The following NAGPA variants were observed in gnomAD, a reference collection of about 807,000 sequenced individuals.
NAGPA encodes alpha-N-acetylglucosaminyl phosphodiesterase.
A neutral mutation model predicts 48.5 loss-of-function variants in NAGPA; 56 were observed. That is an observed-to-expected ratio of 1.15 (90% CI 0.93 to 1.44). NAGPA has a LOEUF of 1.44. Among genes scored for constraint, NAGPA ranks in the 40% most tolerant of loss-of-function variants. The pLI is 0.00. For synonymous variants in NAGPA, 399 were observed against 315.5 expected, an observed-to-expected ratio of 1.26 and a Z score of -2.81; for missense variants, 888 against 735.0, an observed-to-expected ratio of 1.21 and a Z score of -2.41.
In NAGPA at chr16:5,031,728, C is replaced by T. The variant is rs2142566287; in HGVS notation, c.682+17G>A. The T allele has an allele frequency of 1.2e-6, 2 of 1,614,048 alleles. No individual in the cohort carries two copies. Among genetic ancestry groups the T allele is most frequent in the Non-Finnish European group, 1.7e-6 (2 of 1,179,950 alleles). On this transcript the variant is annotated intron_variant, in intron 3 of 9. Coordinates refer to ENST00000312251, the MANE Select transcript of NAGPA (RefSeq NM_016256.4). ...TGGTTCTCGAGAGGGTTGTTGCCAA[C>T]AGCCTCCCCATCCAACCTGTCTCCT...
Position 5,033,903 on chromosome 16 carries a change from G to T in NAGPA, c.12C>A (p.Ser4=), listed in dbSNP as rs1341222138. Residue 4 remains serine, a synonymous_variant, in exon 1 of 10, where the codon TCC becomes TCA. Coordinates refer to ENST00000312251, the MANE Select transcript of NAGPA (RefSeq NM_016256.4). The surrounding 1 kb of genome is among the most constrained non-coding windows in gnomAD (Gnocchi z 4.2). ...GCCGGAGGAGAAGCCAGCGACCCGT[G>T]GAGGTCGCCATATTGGACCGGGGCC... MAT[S]TGRWLLLRLA... is the part of the protein sequence containing the mutation. 1 of 1,549,190 alleles carries T rather than the reference G, an allele frequency of 6.5e-7. No homozygotes were observed.
intron 2 of NAGPA, among the ~76,000 whole-genome samples, chr16:5,032,098 C>A (rs531052437): frequency 2.6e-5 from 4 of 152,260 alleles, no homozygotes; most frequent in East Asian, 3.9e-4. Flanking sequence ...AATACAATCC[C>A]CACAAGCCTT....
chr16:5,033,230 A>C lies in NAGPA; in HGVS notation c.542+43T>G. 4 of 1,552,728 alleles carry C rather than the reference A, an allele frequency of 2.6e-6. No homozygotes were observed. The South Asian group carries it at 4.7e-5, about 18-fold the overall frequency. On this transcript the variant is annotated intron_variant, in intron 2 of 9. Coordinates refer to ENST00000312251, the MANE Select transcript of NAGPA (RefSeq NM_016256.4). This position sits in a 1 kb window ranked among gnomAD's most constrained non-coding sequence, Gnocchi z 4.2. ...GAGGCACGGCTACAACCCAAATCTC[A>C]GGCCCTCTGCCCTCGACAGCACGGG...
At chr16:5,030,131 T>C in intron 4 of NAGPA, 1 of 572,664 alleles carries the variant, frequency 1.7e-6, no homozygotes, top group South Asian at 2.0e-5. Flanking sequence ...CCTGCTCACT[T>C]TGTGACCATT....
rs913764297 is a variant in NAGPA at position 5,025,598 on chromosome 16, T to C, written c.1428A>G (p.Ala476=). The part of the protein sequence containing the change: ...AANLSLLLSR[A]ERNRRLHGDY... ...CCCCATGCAGGCGCCGGTTCCTCTC[T>C]GCTCTGGACAGGAGCAAGGACAGGT... Residue 476 remains alanine (A), a synonymous_variant, in exon 10 of 10, where the codon GCA becomes GCG. Transcript: ENST00000312251. 4 of 1,613,840 alleles carry C rather than the reference T, an allele frequency of 2.5e-6. No homozygotes were observed. The highest frequency in any genetic ancestry group is 1.3e-5 in the African/African-American group (1 of 74,936).
intron 9 of NAGPA, among the ~76,000 whole-genome samples, chr16:5,026,908 G>C (rs1422345504): frequency 6.6e-6 from 1 of 152,210 alleles, no homozygotes; most frequent in Non-Finnish European, 1.5e-5. Context: ...AGCCCAGTTT[G>C]CATTCTGAGC....
In NAGPA at chr16:5,033,583, C is replaced by A. The variant is rs1364418307; in HGVS notation, c.232G>T (p.Val78Leu). The A allele has an allele frequency of 1.3e-6, 2 of 1,484,124 alleles. No homozygotes were observed. Among genetic ancestry groups the A allele is most frequent in the East Asian group, 2.6e-5 (1 of 38,968 alleles). 91.9% of individuals were successfully genotyped at this position (1,484,124 alleles called of 1,614,324 possible). A position where few individuals can be genotyped will look rare whatever the true frequency, so the allele number is the denominator to read the frequency against. Residue 78 changes from valine (V) to leucine (L), a missense_variant, in exon 2 of 10, where the codon GTG becomes TTG. Transcript: ENST00000312251. The surrounding 1 kb of genome is among the most constrained non-coding windows in gnomAD (Gnocchi z 4.2). ...CTGAAGTGCGACACGAAGGTGCGCA[C>A]GGCCAGACCGCCGGCGCCGGGAGTC... ...PATPGAGGLA[V>L]RTFVSHFRDR...
rs1956078376 is a variant in NAGPA, at chr16:5,030,425, G to A, written c.751C>T (p.Leu251=). The change falls in exon 4 of 10, where the codon CTG becomes TTG. Residue 251 remains leucine, a synonymous_variant. Transcript: ENST00000312251. ...TGGCCGTCTGCATGAAAGAGCACCA[G>A]CTGCCCTTTCCGGTCGTGGCCAATG... ...TAIGHDRKGQ[L]VLFHADGQTE... 8 of 1,553,570 alleles carry A rather than the reference G, an allele frequency of 5.1e-6. No individual in the cohort carries two copies. In the South Asian group the frequency reaches 7.1e-5, roughly 14 times the overall value.
At chr16:5,027,801 G>T in intron 7 of NAGPA, 45 bp downstream of exon 7, 2 of 1,549,332 alleles carry the variant, frequency 1.3e-6, no homozygotes, top group Non-Finnish European at 1.7e-6. Context: ...GGGGGCTGCC[G>T]GGGGCCACCG....
intron 3 of NAGPA, chr16:5,031,444 T>G: frequency 2.5e-6 from 1 of 394,130 alleles, no homozygotes; most frequent in Non-Finnish European, 4.8e-6. Flanking sequence ...TCCATGAAGA[T>G]TTTTTTCTCT....
chr16:5,028,939 C>A lies in NAGPA; in HGVS notation c.861G>T (p.Gly287=). The A allele has an allele frequency of 1.2e-6, 2 of 1,614,080 alleles. No homozygotes were observed. Among genetic ancestry groups the A allele is most frequent in the South Asian group, 2.2e-5 (2 of 91,092 alleles). The change falls in exon 5 of 10, where the codon GGG becomes GGT. Residue 287 remains glycine, a synonymous_variant. Coordinates refer to ENST00000312251, the MANE Select transcript of NAGPA (RefSeq NM_016256.4). The stretch of plus-strand genomic sequence containing the variant: ...TGAGCACAAAGGTGGCAGAGCCACC[C>A]CCATCCAGGTTGATGGCGTTGACCA... ...QDVVNAINLD[G]GGSATFVLNG... is the part of the protein sequence containing the mutation.
chr16:5,028,830 G>A, intron 5 of NAGPA, 50 bp downstream of exon 5: 1 of 1,612,790 alleles, frequency 6.2e-7, no homozygotes, highest in South Asian at 1.1e-5. Flanking sequence ...GAGACAGGCT[G>A]GGGCAGACCT....
chr16:5,033,253 G>T lies in NAGPA; in HGVS notation c.542+20C>A. 6.3e-7 allele frequency: 1 copy of T among 1,577,572 alleles called. No individual in the cohort carries two copies. Among genetic ancestry groups the T allele is most frequent in the Non-Finnish European group, 8.5e-7 (1 of 1,170,880 alleles). On this transcript the variant is annotated intron_variant, in intron 2 of 9. Coordinates refer to ENST00000312251, the MANE Select transcript of NAGPA (RefSeq NM_016256.4). This position sits in a 1 kb window ranked among gnomAD's most constrained non-coding sequence, Gnocchi z 4.2. ...TCAGGCCCTCTGCCCTCGACAGCAC[G>T]GGGCTCCCTGCCTCCTCACCCGGTG...
chr16:5,027,614 G>C (rs894377606), intron 7 of NAGPA, among the ~76,000 whole-genome samples: 1 of 152,236 alleles, frequency 6.6e-6, no homozygotes, highest in African/African-American at 2.4e-5. Flanking sequence ...TGCTGGATTT[G>C]AGGTGGGCCC....
intron 4 of NAGPA, 124 bp from the exon 5 acceptor site, chr16:5,029,132 C>T: frequency 6.6e-7 from 1 of 1,510,578 alleles, no homozygotes; most frequent in South Asian, 1.1e-5. Flanking sequence ...TGGCCCCCGC[C>T]CCCAAGCATG....
chr16:5,032,026 G>A, intron 2 of NAGPA, 142 bp from the exon 3 acceptor site: 1 of 1,110,924 alleles, frequency 9.0e-7, no homozygotes, highest in Non-Finnish European at 1.3e-6. Context: ...GTGTAGCTGG[G>A]ACAACTTAAC....
chr16:5,030,906 A>G, intron 3 of NAGPA: 1 of 260,074 alleles, frequency 3.8e-6, no homozygotes, highest in African/African-American at 2.3e-5. Flanking sequence ...TCACCTCCTT[A>G]GTGAGGCCTT....
intron 7 of NAGPA, 113 bp from the exon 8 acceptor site, chr16:5,027,492 G>T: frequency 8.6e-7 from 1 of 1,167,464 alleles, no homozygotes; most frequent in Non-Finnish European, 1.2e-6. Flanking sequence ...GTACAGAGCC[G>T]GGCTAAAGGT....
In NAGPA at chr16:5,026,692, G is replaced by A. The variant is rs139803145; in HGVS notation, c.1340+443C>T. Among the ~76,000 whole-genome samples the A allele has an allele frequency of 3.0e-3, 450 of 152,208 alleles. 1 individual carries two copies. The highest frequency in any genetic ancestry group is 0.01 in the African/African-American group (416 of 41,526). On this transcript the variant is annotated intron_variant, in intron 9 of 9. Coordinates refer to ENST00000312251, the MANE Select transcript of NAGPA (RefSeq NM_016256.4). ...GGGAGGATCACTTGAGCCCAGGACT[G>A]TGCACCTCGTCTGTGCAAAATAGTG... is the stretch of plus-strand genomic sequence containing the variant.
Sources: gnomAD v4.1 joint callset for allele counts (sites outside exome capture counted in the v4.1 genomes callset) on GRCh38, gnomAD v4.1.1 for gene constraint, Gnocchi (gnomAD v3.1) non-coding constraint, MANE v1.5 for transcripts, NCBI Gene and HGNC (gene_info 2026-07-23, HGNC 2026-07-21) for gene names.